The following IPO9 variants were observed in gnomAD, a reference collection of about 807,000 sequenced individuals.
IPO9 encodes the protein importin 9.
In IPO9, 28 loss-of-function variants were observed where a neutral mutation model predicts 128.6. The ratio of observed to expected loss-of-function variants is 0.22; its 90% CI spans 0.16 to 0.30. The LOEUF (loss-of-function observed/expected upper bound fraction) is 0.30, where lower values mean the gene tolerates loss of function less well. Among genes scored for constraint, IPO9 ranks in the 10% least tolerant of loss-of-function variants. IPO9 has a pLI of 1.00. For missense variants in IPO9, 935 were observed against 1,293.9 expected (o/e 0.72, Z 4.26); for synonymous variants, 455 against 475.8 (o/e 0.96, Z 0.57).
intron 10 of IPO9, among the ~76,000 whole-genome samples, 154 bp from the exon 11 acceptor site, chr1:201,856,942 C>T (rs2102879907): frequency 6.6e-6 from 1 of 152,306 alleles, no homozygotes; most frequent in Non-Finnish European, 1.5e-5. Flanking sequence ...CCACCTTGGC[C>T]TCCCAAAGTG....
At chr1:201,867,622 A>G (rs1440847735) in intron 15 of IPO9, among the ~76,000 whole-genome samples, 1 of 152,070 alleles carries the variant, frequency 6.6e-6, no homozygotes, top group Admixed American at 6.5e-5. Flanking sequence ...AAAAAAATAC[A>G]TCAAAATGTT....
intron 1 of IPO9, among the ~76,000 whole-genome samples, chr1:201,833,562 T>A (rs1255437804): frequency 6.6e-6 from 1 of 152,168 alleles, no homozygotes; most frequent in Admixed American, 6.5e-5. Context: ...TGAGCCCCTG[T>A]GCTTGCTATT....
Position 201,872,880 on chromosome 1 carries a change from C to T in IPO9, c.2629C>T (p.Arg877Trp), listed in dbSNP as rs760159223. Residue 877 changes from arginine to tryptophan, a missense_variant, in exon 20 of 24, where the codon CGG becomes TGG. Around this residue, in one of 3 missense-constraint regions of IPO9, gnomAD observed 188 missense variants for 246.7 expected, o/e 0.76. Transcript: ENST00000361565. ...GCATGGCATCAATGCAGATGACAAA[C>T]GGCTACAGGATATCCGTGTGAAGGG... ...LQHGINADDK[R>W]LQDIRVKGEE... 1.9e-6 allele frequency: 3 copies of T among 1,613,924 alleles called. No individual in the cohort carries two copies. Among genetic ancestry groups the T allele is most frequent in the Non-Finnish European group, 1.7e-6 (2 of 1,179,934 alleles).
chr1:201,857,512 A>G (rs1005704510), intron 11 of IPO9, among the ~76,000 whole-genome samples: 8 of 152,082 alleles, frequency 5.3e-5, no homozygotes, highest in African/African-American at 1.9e-4. Context: ...ATTTCAGTTT[A>G]TGGCTGGGCG....
chr1:201,872,828 C>A lies in IPO9; in HGVS notation c.2577C>A (p.Ser859Arg). The A allele has an allele frequency of 6.2e-7, 1 of 1,608,848 alleles. No homozygotes were observed. Among genetic ancestry groups the A allele is most frequent in the South Asian group, 1.1e-5 (1 of 89,956 alleles). Residue 859 changes from serine (S) to arginine (R), a missense_variant and splice_region_variant, in exon 20 of 24, where the codon AGC becomes AGA. Transcript: ENST00000361565. ...LFYGQYEGKV[S>R]SVALCKLLQH... is the part of the protein sequence containing the mutation. ...CCTTTTTTTGGATCTTCCTTGCCAG[C>A]TCTGTGGCACTCTGTAAGCTGCTCC...
intron 1 of IPO9, among the ~76,000 whole-genome samples, chr1:201,845,381 A>G (rs569764617): frequency 6.6e-6 from 1 of 152,286 alleles, no homozygotes; most frequent in East Asian, 1.9e-4. Flanking sequence ...TTACCTAATG[A>G]CAGGCATGGT....
At chr1:201,856,129 CT>C (rs35980892) in intron 10 of IPO9, among the ~76,000 whole-genome samples, 195 bp downstream of exon 10, 218 of 123,136 alleles carry the variant, frequency 1.8e-3, no homozygotes, top group African/African-American at 2.2e-3. Flanking sequence ...CCATACCTGG[CT>C]TTTTTTTTTT....
At chr1:201,852,015 G>T in intron 4 of IPO9, 89 bp from the exon 5 acceptor site, 2 of 763,688 alleles carry the variant, frequency 2.6e-6, no homozygotes, top group Non-Finnish European at 4.3e-6. Flanking sequence ...TTTGGGAACT[G>T]CCACCTAGAA....
intron 13 of IPO9, among the ~76,000 whole-genome samples, 186 bp downstream of exon 13, chr1:201,859,180 A>AATAAATATATATATATATATATAAAT (rs371428335): frequency 2.4e-5 from 2 of 83,478 alleles, no homozygotes; most frequent in Non-Finnish European, 5.1e-5. Flanking sequence ...CTCAAAGTAT[A>AATAAATATATATATATATATATAAAT]ATATATATAT....
At chr1:201,855,960 C>T (rs1441413301) in intron 10 of IPO9, 26 bp downstream of exon 10, 1 of 1,542,652 alleles carries the variant, frequency 6.5e-7, no homozygotes, top group Non-Finnish European at 8.7e-7. Context: ...GAGACAGTTA[C>T]CATCTTGTAT....
intron 1 of IPO9, 145 bp from the exon 2 acceptor site, chr1:201,847,134 G>A: frequency 1.6e-6 from 1 of 636,178 alleles, no homozygotes; most frequent in Non-Finnish European, 2.8e-6. Flanking sequence ...TTTACTTGGA[G>A]GAATCAGTCT....
chr1:201,831,809 A>G (rs115195803), intron 1 of IPO9, among the ~76,000 whole-genome samples: 1,564 of 152,286 alleles, frequency 0.01, 31 homozygotes, highest in African/African-American at 0.036. Flanking sequence ...AGAATGCCCT[A>G]CAGAGCAAGA....
intron 1 of IPO9, among the ~76,000 whole-genome samples, chr1:201,832,471 C>G (rs1490118586): frequency 6.6e-6 from 1 of 152,190 alleles, no homozygotes; most frequent in East Asian, 1.9e-4. Context: ...GTTGCCCAGG[C>G]TGATCTTGAA....
At chr1:201,872,647 C>T (rs565356555) in intron 19 of IPO9, among the ~76,000 whole-genome samples, 181 bp from the exon 20 acceptor site, 44 of 152,236 alleles carry the variant, frequency 2.9e-4, no homozygotes, top group Non-Finnish European at 4.9e-4. Context: ...GCACAGATCT[C>T]ATTAAACCAC....
chr1:201,846,204 A>T (rs1680121288), intron 1 of IPO9, among the ~76,000 whole-genome samples: 1 of 152,188 alleles, frequency 6.6e-6, no homozygotes. Context: ...TTCAAGTTCC[A>T]TTGCTTATTG....
chr1:201,843,189 C>T (rs1332415568), intron 1 of IPO9, among the ~76,000 whole-genome samples: 1 of 152,188 alleles, frequency 6.6e-6, no homozygotes, highest in Non-Finnish European at 1.5e-5. Flanking sequence ...TTTTTACTGT[C>T]AGGCAATATA....
At position 201,883,684 on chromosome 1, in the gene IPO9, G is replaced by C. The variant is rs1362605490; in HGVS notation, c.*7630G>C. 1 of 152,260 alleles carries C rather than the reference G, an allele frequency of 6.6e-6. No homozygotes were observed. Among genetic ancestry groups the C allele is most frequent in the Non-Finnish European group, 1.5e-5 (1 of 68,062 alleles). The allele number at this position is 152,260 out of a possible 1,614,324, so 9.4% of individuals were successfully genotyped here. A position where few individuals can be genotyped will look rare whatever the true frequency, so the allele number is the denominator to read the frequency against. The stretch of plus-strand genomic sequence containing the variant: ...CAGGACCTTTTCGTGATTCTGGAGA[G>C]GGGAACAAACCATAATAACAACAAA... On this transcript the variant is annotated 3_prime_UTR_variant, in exon 24 of 24. Transcript: ENST00000361565.
At chr1:201,859,300 T>G (rs1222984832) in intron 13 of IPO9, among the ~76,000 whole-genome samples, 1 of 151,104 alleles carries the variant, frequency 6.6e-6, no homozygotes, top group Non-Finnish European at 1.5e-5. Flanking sequence ...TGAAAATTGT[T>G]TGCACCCTAC....
chr1:201,859,113 C>G, intron 13 of IPO9, 119 bp downstream of exon 13: 9 of 844,392 alleles, frequency 1.1e-5, no homozygotes, highest in Non-Finnish European at 1.6e-5. Context: ...GTGCAGCACA[C>G]CAACATGGCA....
Sources: allele counts gnomAD v4.1 joint callset (sites outside exome capture counted in the v4.1 genomes callset), GRCh38; gene constraint gnomAD v4.1.1; regional missense constraint gnomAD v4.1.1; transcripts MANE v1.5; gene names NCBI Gene and HGNC (gene_info 2026-07-23, HGNC 2026-07-21).